The following QPCT variants were observed in gnomAD, a reference collection of about 807,000 sequenced individuals.
The protein encoded by QPCT is EC.
Under a neutral mutation model 43.4 loss-of-function variants are expected in QPCT, and 44 were observed. The observed-to-expected ratio is 1.01, with a 90% CI of 0.80 to 1.30. QPCT has a LOEUF of 1.30. Among genes scored for constraint, QPCT ranks in the 50% most tolerant of loss-of-function variants. The pLI, the probability that QPCT is intolerant of heterozygous loss-of-function variation, is 0.00. For synonymous variants in QPCT, 168 were observed against 168.4 expected, an observed-to-expected ratio of 1.00 and a Z score of 0.02; for missense variants, 526 against 436.5, an observed-to-expected ratio of 1.21 and a Z score of -1.83.
At chr2:37,360,943 G>C (rs947736775) in intron 3 of QPCT, among the ~76,000 whole-genome samples, 1 of 152,178 alleles carries the variant, frequency 6.6e-6, no homozygotes, top group African/African-American at 2.4e-5. Flanking sequence ...ATGACTTGAA[G>C]ACATTGTTCT....
chr2:37,365,506 AGGG>A (rs991253415), intron 3 of QPCT, among the ~76,000 whole-genome samples: 6 of 152,238 alleles, frequency 3.9e-5, no homozygotes, highest in African/African-American at 1.4e-4. Context: ...AACTCCTTCA[AGGG>A]GTTTTGCTAT....
At chr2:37,350,260 G>A (rs1040339877) in intron 1 of QPCT, among the ~76,000 whole-genome samples, 1 of 152,280 alleles carries the variant, frequency 6.6e-6, no homozygotes, top group East Asian at 1.9e-4. Context: ...GGGTGAGGGG[G>A]GAGACCAGAC....
Position 37,344,783 on chromosome 2 carries a change from C to G in QPCT, c.52C>G (p.Leu18Val). 1 of 1,609,260 alleles carries G rather than the reference C, an allele frequency of 6.2e-7. No homozygotes were observed. The highest frequency in any genetic ancestry group is 8.5e-7 in the Non-Finnish European group (1 of 1,178,490). Residue 18 changes from leucine to valine, a missense_variant, in exon 1 of 7, where the codon CTG (leucine) becomes GTG (valine). By Grantham distance (32) the Leu-to-Val change is conservative. Coordinates refer to ENST00000338415, the MANE Select transcript of QPCT (RefSeq NM_012413.4). The part of the protein sequence containing the change: ...RVVGTLHLLL[L>V]VAALPWASRG... ...CGTGGGCACCCTCCACCTGCTGCTG[C>G]TGGTGGCCGCCCTGCCCTGGGCATC...
chr2:37,363,928 T>C (rs1672906086), intron 3 of QPCT, among the ~76,000 whole-genome samples: 1 of 152,064 alleles, frequency 6.6e-6, no homozygotes, highest in Non-Finnish European at 1.5e-5. Flanking sequence ...AAGAAGTATC[T>C]TTTTTTAGAA....
intron 1 of QPCT, among the ~76,000 whole-genome samples, chr2:37,352,345 C>T (rs1243229608): frequency 2.0e-5 from 3 of 152,062 alleles, no homozygotes; most frequent in Non-Finnish European, 2.9e-5. Flanking sequence ...AAAATTTTTA[C>T]TGAGACAGGG....
chr2:37,347,218 C>CATAT (rs74206514), intron 1 of QPCT, among the ~76,000 whole-genome samples: 2 of 62,376 alleles, frequency 3.2e-5, no homozygotes, highest in East Asian at 8.0e-4. Flanking sequence ...ATATATATAA[C>CATAT]ATATATATAT....
intron 3 of QPCT, among the ~76,000 whole-genome samples, chr2:37,366,451 A>G (rs993366146): frequency 1.3e-5 from 2 of 152,320 alleles, no homozygotes; most frequent in Non-Finnish European, 2.9e-5. Context: ...CAACTAAAGT[A>G]TAGGCTATTT....
At chr2:37,345,688 C>T (rs1272083076) in intron 1 of QPCT, among the ~76,000 whole-genome samples, 1 of 151,804 alleles carries the variant, frequency 6.6e-6, no homozygotes, top group African/African-American at 2.4e-5. Flanking sequence ...TACAAAAAAT[C>T]AGCCGGGCGT....
chr2:37,362,271 A>G (rs1672870146), intron 3 of QPCT, among the ~76,000 whole-genome samples: 1 of 152,206 alleles, frequency 6.6e-6, no homozygotes. Context: ...ATGTTGTCTG[A>G]TTTGAAGCTA....
At chr2:37,346,750 T>C (rs1232792560) in intron 1 of QPCT, among the ~76,000 whole-genome samples, 2 of 152,180 alleles carry the variant, frequency 1.3e-5, no homozygotes, top group Non-Finnish European at 2.9e-5. Flanking sequence ...CTCCCCTTAT[T>C]CTGTAGACCT....
chr2:37,347,183 TATATATATAACATATATATATAAC>T lies in QPCT; in HGVS notation c.120+2366_120+2389del, dbSNP rs1558599442. 3.0e-3 allele frequency among the ~76,000 whole-genome samples: 170 copies of T among 56,918 alleles called. 16 individuals carry two copies. Among genetic ancestry groups the T allele is most frequent in the Non-Finnish European group, 4.1e-3 (139 of 33,960 alleles). 37.3% of individuals were successfully genotyped at this position (56,918 alleles called of 152,430 possible). A position where few individuals can be genotyped will look rare whatever the true frequency, so the allele number is the denominator to read the frequency against. ...ATATATAACATATATATATATAACA[TATATATATAACATATATATATAAC>T]ATATATATAACATATATATATAACA... On this transcript the variant is annotated intron_variant, in intron 1 of 6. Transcript: ENST00000338415.
chr2:37,344,975 C>T (rs1291239779), intron 1 of QPCT, 124 bp downstream of exon 1: 2 of 1,369,472 alleles, frequency 1.5e-6, no homozygotes, highest in Non-Finnish European at 1.9e-6. Context: ...CCAGCCCAGG[C>T]ACCGGCGCCC....
At chr2:37,368,453 C>T (rs1020020748) in intron 4 of QPCT, 1 of 365,622 alleles carries the variant, frequency 2.7e-6, no homozygotes, top group African/African-American at 2.1e-5. Context: ...GCCTTCATCC[C>T]TCCCTGACGC....
At chr2:37,369,170 A>G (rs899543303) in intron 4 of QPCT, among the ~76,000 whole-genome samples, 2 of 152,220 alleles carry the variant, frequency 1.3e-5, no homozygotes, top group Admixed American at 6.5e-5. Flanking sequence ...TTCTTATTTG[A>G]TACACAAGGA....
chr2:37,356,756 C>T (rs955933827), intron 2 of QPCT, among the ~76,000 whole-genome samples: 1 of 152,064 alleles, frequency 6.6e-6, no homozygotes, highest in Non-Finnish European at 1.5e-5. Flanking sequence ...GCCTGTATTC[C>T]CAGCACTTTG....
At chr2:37,366,743 G>C (rs970014983) in intron 3 of QPCT, among the ~76,000 whole-genome samples, 1 of 152,182 alleles carries the variant, frequency 6.6e-6, no homozygotes, top group African/African-American at 2.4e-5. Context: ...GTTCAACAAC[G>C]GCCTCAGCCA....
intron 2 of QPCT, among the ~76,000 whole-genome samples, chr2:37,356,725 G>A (rs969909820): frequency 6.6e-6 from 1 of 152,122 alleles, no homozygotes; most frequent in Non-Finnish European, 1.5e-5. Context: ...AAAAGTTGCG[G>A]GGCTGGGTGC....
At chr2:37,350,282 G>A (rs1672592920) in intron 1 of QPCT, among the ~76,000 whole-genome samples, 1 of 152,170 alleles carries the variant, frequency 6.6e-6, no homozygotes, top group Admixed American at 6.5e-5. Context: ...GGCTTCTGTT[G>A]GCAGGGTTGA....
At chr2:37,352,626 C>T (rs764567595) in intron 1 of QPCT, among the ~76,000 whole-genome samples, 163 bp from the exon 2 acceptor site, 2 of 152,208 alleles carry the variant, frequency 1.3e-5, no homozygotes, top group Non-Finnish European at 2.9e-5. Flanking sequence ...GCCACCGTGC[C>T]CAGCCCTAAC....
Sources: allele counts gnomAD v4.1 joint callset (sites outside exome capture counted in the v4.1 genomes callset), GRCh38; gene constraint gnomAD v4.1.1; transcripts MANE v1.5; gene names NCBI Gene and HGNC (gene_info 2026-07-23, HGNC 2026-07-21).